The following RALYL variants were observed in gnomAD, a reference collection of about 807,000 sequenced individuals.
The protein encoded by RALYL is RNA-binding Raly-like protein.
A neutral mutation model predicts 35.1 loss-of-function variants in RALYL; 29 were observed. That is an observed-to-expected ratio of 0.83 (90% CI 0.61 to 1.13). The LOEUF (loss-of-function observed/expected upper bound fraction) is 1.13, where lower values mean the gene tolerates loss of function less well. Among genes scored for constraint, RALYL ranks in the 50% most tolerant of loss-of-function variants. RALYL has a pLI of 0.00. For missense variants in RALYL, 359 were observed against 360.4 expected (o/e 1.00, Z 0.03); for synonymous variants, 120 against 127.6 (o/e 0.94, Z 0.40).
chr8:84,675,329 G>A (rs1355854355), intron 2 of RALYL, among the ~76,000 whole-genome samples: 1 of 151,988 alleles, frequency 6.6e-6, no homozygotes. Context: ...TATGTATTAA[G>A]GTATAACCAG....
chr8:84,486,923 C>T (rs180809846), intron 1 of RALYL, among the ~76,000 whole-genome samples: 24 of 152,088 alleles, frequency 1.6e-4, no homozygotes, highest in African/African-American at 5.3e-4. Flanking sequence ...TCTCTAGAAT[C>T]GATTCATCTT....
At chr8:84,306,320 A>G (rs1287193882) in intron 1 of RALYL, among the ~76,000 whole-genome samples, 2 of 152,166 alleles carry the variant, frequency 1.3e-5, no homozygotes, top group African/African-American at 4.8e-5. Flanking sequence ...GTACATGATA[A>G]AAAGGAGGAG....
In RALYL at chr8:84,905,321, G is replaced by A. The variant is rs75330897; in HGVS notation, c.859-15573G>A. Among the ~76,000 whole-genome samples, 20 of 152,168 alleles carry A rather than the reference G, an allele frequency of 1.3e-4. 1 individual carries two copies. The East Asian group carries it at 3.9e-3, about 29-fold the overall frequency. Reference sequence around the variant, plus strand: ...ATACCACACTTTACAAAATCCATCCGTCAGTGGACATTTAGGTTATTTCCA... The same window carrying A: ...ATACCACACTTTACAAAATCCATCCATCAGTGGACATTTAGGTTATTTCCA... On this transcript the variant is annotated intron_variant, in intron 8 of 8. Transcript: ENST00000521268.
chr8:84,603,923 G>GT (rs999585015), intron 2 of RALYL, among the ~76,000 whole-genome samples: 24 of 151,604 alleles, frequency 1.6e-4, no homozygotes, highest in African/African-American at 4.1e-4. Flanking sequence ...CTTTTATCAG[G>GT]TTTTTTTTGT....
At chr8:84,272,555 G>A (rs901164142) in intron 1 of RALYL, among the ~76,000 whole-genome samples, 1 of 152,172 alleles carries the variant, frequency 6.6e-6, no homozygotes, top group African/African-American at 2.4e-5. Flanking sequence ...ACTTGACTTT[G>A]TCAGCAGGAT....
rs183007033 is a variant in RALYL, at chr8:84,629,618, T to C, written c.256+100041T>C. ...GATATGTTACATATATTGCTCAGGG[T>C]AAATTCAGCTCATATGACAGAACAG... On this transcript the variant is annotated intron_variant, in intron 2 of 8. Transcript: ENST00000521268. Among the ~76,000 whole-genome samples, 495 of 152,114 alleles carry C rather than the reference T, an allele frequency of 3.3e-3. 2 individuals carry two copies. Among genetic ancestry groups the C allele is most frequent in the African/African-American group, 0.011 (473 of 41,534 alleles).
At chr8:84,230,246 G>T (rs1824995433) in intron 1 of RALYL, among the ~76,000 whole-genome samples, 1 of 151,892 alleles carries the variant, frequency 6.6e-6, no homozygotes. Flanking sequence ...TATAATTAAG[G>T]AAATGTGTAT....
chr8:84,512,212 TTG>T (rs2057682666), intron 1 of RALYL, among the ~76,000 whole-genome samples: 1 of 152,010 alleles, frequency 6.6e-6, no homozygotes, highest in Admixed American at 6.5e-5. Context: ...CTATTTTTTG[TTG>T]TTGTTATTGT....
At chr8:84,309,667 CA>C (rs1206539876) in intron 1 of RALYL, among the ~76,000 whole-genome samples, 2 of 152,014 alleles carry the variant, frequency 1.3e-5, no homozygotes, top group Non-Finnish European at 2.9e-5. Flanking sequence ...TTTATGGAAA[CA>C]TGGACCTATG....
At chr8:84,362,923 T>G (rs1473745678) in intron 1 of RALYL, among the ~76,000 whole-genome samples, 1 of 152,114 alleles carries the variant, frequency 6.6e-6, no homozygotes, top group Non-Finnish European at 1.5e-5. Flanking sequence ...GGATTAAACC[T>G]TATACAATTG....
At chr8:84,681,322 T>A (rs988033211) in intron 2 of RALYL, among the ~76,000 whole-genome samples, 1 of 152,222 alleles carries the variant, frequency 6.6e-6, no homozygotes, top group African/African-American at 2.4e-5. Flanking sequence ...TAGGATTATC[T>A]TGGCAATGTG....
intron 1 of RALYL, among the ~76,000 whole-genome samples, chr8:84,375,104 A>T (rs1374965199): frequency 6.6e-6 from 1 of 151,912 alleles, no homozygotes; most frequent in Non-Finnish European, 1.5e-5. Flanking sequence ...TGATACAGAC[A>T]CATAATGTGT....
At chr8:84,482,070 A>T (rs2054103946) in intron 1 of RALYL, among the ~76,000 whole-genome samples, 1 of 152,150 alleles carries the variant, frequency 6.6e-6, no homozygotes, top group Non-Finnish European at 1.5e-5. Flanking sequence ...CAAAGCTGTG[A>T]AAGGAAAATT....
intron 2 of RALYL, among the ~76,000 whole-genome samples, chr8:84,741,759 A>G (rs1257683388): frequency 6.6e-6 from 1 of 152,072 alleles, no homozygotes; most frequent in East Asian, 1.9e-4. Context: ...TTTCAAAAGA[A>G]AAAGAATTTG....
At chr8:84,733,926 A>G (rs946486627) in intron 2 of RALYL, among the ~76,000 whole-genome samples, 1 of 152,238 alleles carries the variant, frequency 6.6e-6, no homozygotes, top group African/African-American at 2.4e-5. Context: ...AAGACTAACA[A>G]GAAAATAGTA....
chr8:84,195,487 C>A (rs2130925636), intron 1 of RALYL, among the ~76,000 whole-genome samples: 1 of 152,224 alleles, frequency 6.6e-6, no homozygotes, highest in South Asian at 2.1e-4. Context: ...ATTGGTCTTA[C>A]CCTCCTGAAT....
chr8:84,396,489 A>G (rs1367655848), intron 1 of RALYL, among the ~76,000 whole-genome samples: 3 of 152,160 alleles, frequency 2.0e-5, no homozygotes, highest in East Asian at 1.9e-4. Context: ...TTCAATAAAC[A>G]TTAAAGAACC....
chr8:84,496,180 C>T (rs1363240887), intron 1 of RALYL, among the ~76,000 whole-genome samples: 1 of 152,084 alleles, frequency 6.6e-6, no homozygotes, highest in Non-Finnish European at 1.5e-5. Context: ...CTCCACAACT[C>T]TACTAAATGC....
intron 2 of RALYL, among the ~76,000 whole-genome samples, chr8:84,568,122 A>G (rs1161044407): frequency 6.6e-6 from 1 of 150,940 alleles, no homozygotes; most frequent in Non-Finnish European, 1.5e-5. Context: ...ATATGTATAC[A>G]TGCGCCATGT....
Sources: allele counts gnomAD v4.1 joint callset (sites outside exome capture counted in the v4.1 genomes callset), GRCh38; gene constraint gnomAD v4.1.1; transcripts MANE v1.5; gene names NCBI Gene and HGNC (gene_info 2026-07-23, HGNC 2026-07-21).